The following HUNK variants were observed in gnomAD, a reference collection of about 807,000 sequenced individuals.
HUNK encodes the protein hormonally up-regulated neu tumor-associated kinase.
HUNK carries 21 observed loss-of-function variants against 61.0 expected under a neutral mutation model. The ratio of observed to expected loss-of-function variants is 0.34; its 90% CI spans 0.24 to 0.50. The LOEUF (loss-of-function observed/expected upper bound fraction) is 0.50, where lower values mean the gene tolerates loss of function less well. HUNK is among the 20% of genes least tolerant of loss of function. HUNK has a pLI of 0.98. For synonymous variants in HUNK, 371 were observed against 386.1 expected, an observed-to-expected ratio of 0.96 and a Z score of 0.46; for missense variants, 772 against 945.7, an observed-to-expected ratio of 0.82 and a Z score of 2.41.
In HUNK at chr21:31,873,696, G is replaced by A. The variant is rs913834309; in HGVS notation, c.22G>A (p.Gly8Arg). 21 of 1,106,328 alleles carry A rather than the reference G, an allele frequency of 1.9e-5. No homozygotes were observed. Among genetic ancestry groups the A allele is most frequent in the Middle Eastern group, 3.9e-4 (1 of 2,542 alleles). The allele number at this position is 1,106,328 out of a possible 1,614,324, so 68.5% of individuals were successfully genotyped here. ...CGCGATGCCGGCGGCGGCGGGGGAC[G>A]GGCTCCTGGGGGAGCCGGCGGCGCC... MPAAAGD[G>R]LLGEPAAPGG... The change falls in exon 1 of 11, where the codon GGG becomes AGG. Residue 8 changes from glycine (G) to arginine (R), a missense_variant. Gly to Arg is a moderately radical substitution (Grantham distance 125). Coordinates refer to ENST00000270112, the MANE Select transcript of HUNK (RefSeq NM_014586.2). This position sits in a 1 kb window ranked among gnomAD's most constrained non-coding sequence, Gnocchi z 6.1.
intron 1 of HUNK, among the ~76,000 whole-genome samples, chr21:31,899,359 C>CT (rs1295391683): frequency 1.3e-5 from 2 of 152,130 alleles, no homozygotes; most frequent in African/African-American, 4.8e-5. Context: ...TGGTGGTTGC[C>CT]TGCAGTCTTT....
intron 1 of HUNK, among the ~76,000 whole-genome samples, chr21:31,891,367 A>G (rs2052386625): frequency 6.6e-6 from 1 of 152,238 alleles, no homozygotes; most frequent in African/African-American, 2.4e-5. Context: ...ACAGAGTGAG[A>G]CTGTGTCTCA....
At chr21:31,907,314 A>G (rs1201030893) in intron 1 of HUNK, among the ~76,000 whole-genome samples, 1 of 152,248 alleles carries the variant, frequency 6.6e-6, no homozygotes, top group Non-Finnish European at 1.5e-5. Flanking sequence ...TATTGGTCAC[A>G]TGCTGAGATG....
chr21:31,977,690 C>T (rs1391534893), intron 7 of HUNK, among the ~76,000 whole-genome samples: 2 of 152,206 alleles, frequency 1.3e-5, no homozygotes, highest in East Asian at 3.9e-4. Context: ...CTTTTAAAAC[C>T]AAACCAAAAC....
chr21:31,924,618 C>G lies in HUNK; in HGVS notation c.412C>G (p.Leu138Val). ...TTTAGAAACGGAAAACAGCTACTACCTGGTCATGGAGCTGTGCCCTGGGGG... is the reference window on the plus strand; with the variant it reads ...TTTAGAAACGGAAAACAGCTACTACGTGGTCATGGAGCTGTGCCCTGGGGG... ...DILETENSYY[L>V]VMELCPGGNL... is the part of the protein sequence containing the mutation. Residue 138 changes from leucine (L) to valine (V), a missense_variant, in exon 2 of 11, where the codon CTG becomes GTG. Leu to Val is a conservative substitution (Grantham distance 32). Transcript: ENST00000270112. The surrounding 1 kb of genome is among the most constrained non-coding windows in gnomAD (Gnocchi z 5.1). The G allele has an allele frequency of 6.2e-7, 1 of 1,614,176 alleles. No individual in the cohort carries two copies. Among genetic ancestry groups the G allele is most frequent in the Non-Finnish European group, 8.5e-7 (1 of 1,180,022 alleles).
At chr21:31,882,730 C>T (rs558115498) in intron 1 of HUNK, among the ~76,000 whole-genome samples, 1 of 152,242 alleles carries the variant, frequency 6.6e-6, no homozygotes, top group African/African-American at 2.4e-5. Flanking sequence ...AGTATAGTCA[C>T]CCTAACAGAC....
At chr21:31,966,556 A>C (rs2123847690) in intron 5 of HUNK, among the ~76,000 whole-genome samples, 1 of 152,304 alleles carries the variant, frequency 6.6e-6, no homozygotes, top group South Asian at 2.1e-4. Context: ...TGCATGACCT[A>C]GCAAAGATTG....
intron 1 of HUNK, among the ~76,000 whole-genome samples, chr21:31,885,089 TC>T (rs978911233): frequency 9.2e-5 from 14 of 152,136 alleles, no homozygotes; most frequent in Non-Finnish European, 1.0e-4. Flanking sequence ...AATTGTCTGT[TC>T]TTTATAAGGC....
chr21:31,977,702 A>C (rs1384826472), intron 7 of HUNK, among the ~76,000 whole-genome samples: 1 of 152,166 alleles, frequency 6.6e-6, no homozygotes, highest in Non-Finnish European at 1.5e-5. Flanking sequence ...AACCAAAACA[A>C]AACACAACAA....
At chr21:31,943,937 T>C (rs753254734) in intron 3 of HUNK, among the ~76,000 whole-genome samples, 4 of 152,234 alleles carry the variant, frequency 2.6e-5, no homozygotes, top group African/African-American at 7.2e-5. Flanking sequence ...CCAGCTATTA[T>C]TGTGTTTATT....
At chr21:31,938,759 G>C (rs1441412543) in intron 2 of HUNK, among the ~76,000 whole-genome samples, 3 of 152,200 alleles carry the variant, frequency 2.0e-5, no homozygotes, top group East Asian at 3.8e-4. Context: ...GTGTTTGTGT[G>C]TGTCTGTGTG....
At chr21:31,972,877 C>T (rs149179435) in intron 6 of HUNK, among the ~76,000 whole-genome samples, 24 of 151,932 alleles carry the variant, frequency 1.6e-4, no homozygotes, top group Non-Finnish European at 2.6e-4. Flanking sequence ...TTACACCGAC[C>T]GGTGGCAGGC....
intron 7 of HUNK, among the ~76,000 whole-genome samples, chr21:31,981,875 A>G (rs948006133): frequency 6.6e-6 from 1 of 152,018 alleles, no homozygotes; most frequent in Non-Finnish European, 1.5e-5. Flanking sequence ...ATTTAGTTTA[A>G]CAATTTCCCA....
chr21:31,923,574 C>T (rs866776393), intron 1 of HUNK, among the ~76,000 whole-genome samples: 218 of 63,030 alleles, frequency 3.5e-3, no homozygotes, highest in African/African-American at 0.013. Context: ...AGGAAGGAAG[C>T]GAGGGAGGGA....
At chr21:31,942,219 G>A (rs914408310) in intron 3 of HUNK, among the ~76,000 whole-genome samples, 2 of 152,218 alleles carry the variant, frequency 1.3e-5, no homozygotes, top group African/African-American at 4.8e-5. Flanking sequence ...CAAAAAGACT[G>A]AGGCTGGTGA....
At chr21:31,883,929 G>T (rs1238630106) in intron 1 of HUNK, among the ~76,000 whole-genome samples, 1 of 152,144 alleles carries the variant, frequency 6.6e-6, no homozygotes, top group Admixed American at 6.5e-5. Flanking sequence ...TAGGCAGGTT[G>T]GTTCTGCAAC....
At chr21:31,899,621 A>G (rs1033924944) in intron 1 of HUNK, among the ~76,000 whole-genome samples, 4 of 152,092 alleles carry the variant, frequency 2.6e-5, no homozygotes, top group Admixed American at 6.6e-5. Context: ...ACCCAATTTA[A>G]CCTATAATGT....
At chr21:31,875,563 G>T (rs569896404) in intron 1 of HUNK, among the ~76,000 whole-genome samples, 2 of 152,004 alleles carry the variant, frequency 1.3e-5, no homozygotes, top group Non-Finnish European at 1.5e-5. Flanking sequence ...TACACTCCTC[G>T]ATTCGATTCG....
chr21:31,880,001 A>C (rs2052294136), intron 1 of HUNK, among the ~76,000 whole-genome samples: 1 of 152,174 alleles, frequency 6.6e-6, no homozygotes, highest in Non-Finnish European at 1.5e-5. Flanking sequence ...AGGAGGTGCC[A>C]CTGGGTGGTA....
Sources: allele counts gnomAD v4.1 joint callset (sites outside exome capture counted in the v4.1 genomes callset), GRCh38; gene constraint gnomAD v4.1.1; non-coding constraint Gnocchi (gnomAD v3.1); transcripts MANE v1.5; gene names NCBI Gene and HGNC (gene_info 2026-07-23, HGNC 2026-07-21).